The following ASIC2 variants were observed in gnomAD, a reference collection of about 807,000 sequenced individuals.
ASIC2 encodes acid sensing ion channel subunit 2.
In ASIC2, 25 loss-of-function variants were observed where a neutral mutation model predicts 57.3. That is an observed-to-expected ratio of 0.44 (90% CI 0.32 to 0.61). ASIC2 has a LOEUF of 0.61. Ranked by LOEUF, ASIC2 falls within the 20% of genes least tolerant of loss-of-function variation. The pLI is 0.06. For missense variants in ASIC2, 641 were observed against 738.1 expected, an observed-to-expected ratio of 0.87 and a Z score of 1.52; for synonymous variants, 319 against 307.5, an observed-to-expected ratio of 1.04 and a Z score of -0.39.
At chr17:33,411,556 T>A (rs1401312189) in intron 1 of ASIC2, among the ~76,000 whole-genome samples, 1 of 152,204 alleles carries the variant, frequency 6.6e-6, no homozygotes, top group Non-Finnish European at 1.5e-5. Context: ...GAAGGTATTA[T>A]GGATTCTTTT....
intron 1 of ASIC2, among the ~76,000 whole-genome samples, chr17:34,125,929 C>A (rs577593059): frequency 6.6e-6 from 1 of 152,292 alleles, no homozygotes; most frequent in Admixed American, 6.5e-5. Context: ...GGAGGCCATG[C>A]CCCCCATCCA....
At chr17:34,132,704 G>A (rs1912025078) in intron 1 of ASIC2, among the ~76,000 whole-genome samples, 1 of 152,198 alleles carries the variant, frequency 6.6e-6, no homozygotes. Flanking sequence ...GACCCACGAA[G>A]TCCAGCTGGC....
At chr17:34,053,858 T>C (rs1451777579) in intron 1 of ASIC2, among the ~76,000 whole-genome samples, 1 of 152,210 alleles carries the variant, frequency 6.6e-6, no homozygotes, top group African/African-American at 2.4e-5. Context: ...TTGGCAGATA[T>C]TGTTGGTGTG....
At chr17:33,512,065 T>C (rs1914445722) in intron 1 of ASIC2, among the ~76,000 whole-genome samples, 1 of 151,784 alleles carries the variant, frequency 6.6e-6, no homozygotes, top group African/African-American at 2.4e-5. Context: ...AAAGGAGGAG[T>C]TTGGGAAAAT....
intron 1 of ASIC2, among the ~76,000 whole-genome samples, chr17:33,160,099 G>C (rs1349848749): frequency 6.6e-6 from 1 of 151,920 alleles, no homozygotes; most frequent in Non-Finnish European, 1.5e-5. Context: ...ATCCCAGCCA[G>C]TTGGGAGGCT....
chr17:33,488,783 C>T (rs1913658092), intron 1 of ASIC2, among the ~76,000 whole-genome samples: 1 of 152,192 alleles, frequency 6.6e-6, no homozygotes, highest in Non-Finnish European at 1.5e-5. Context: ...TTTTAGGCAT[C>T]TCCCACCTCC....
intron 1 of ASIC2, among the ~76,000 whole-genome samples, chr17:33,440,368 A>G (rs1419775854): frequency 1.3e-5 from 2 of 152,146 alleles, no homozygotes; most frequent in African/African-American, 4.8e-5. Flanking sequence ...TTGTTTATTA[A>G]ACAGCTGACA....
At chr17:33,806,642 T>C (rs866063908) in intron 1 of ASIC2, among the ~76,000 whole-genome samples, 2 of 152,228 alleles carry the variant, frequency 1.3e-5, no homozygotes, top group Admixed American at 6.5e-5. Context: ...TTCTGAATAT[T>C]TATTGCTCTC....
chr17:33,734,984 A>T (rs1567701030), intron 1 of ASIC2, among the ~76,000 whole-genome samples: 1 of 152,186 alleles, frequency 6.6e-6, no homozygotes, highest in African/African-American at 2.4e-5. Flanking sequence ...TTTCTCAAAA[A>T]TTCCAAGCAT....
chr17:33,295,849 TA>T (rs1359346027), upstream of ASIC2, among the ~76,000 whole-genome samples: 1 of 152,200 alleles, frequency 6.6e-6, no homozygotes, highest in Non-Finnish European at 1.5e-5. Context: ...TGGCCTTTTT[TA>T]TACACTATTT....
chr17:33,983,123 T>C (rs575625636), intron 1 of ASIC2, among the ~76,000 whole-genome samples: 1 of 152,306 alleles, frequency 6.6e-6, no homozygotes, highest in African/African-American at 2.4e-5. Flanking sequence ...ACTTGCTGCA[T>C]ATAAACAAGT....
chr17:33,089,029 C>A (rs1467487281), intron 2 of ASIC2, 39 bp from the exon 3 acceptor site: 1 of 1,611,258 alleles, frequency 6.2e-7, no homozygotes, highest in East Asian at 2.2e-5. Flanking sequence ...GGGTCAGTAA[C>A]AACAGATGCT....
chr17:33,568,462 G>A (rs755100100), intron 1 of ASIC2, among the ~76,000 whole-genome samples: 1 of 152,002 alleles, frequency 6.6e-6, no homozygotes, highest in East Asian at 1.9e-4. Flanking sequence ...TGCAACTAAG[G>A]GTCTTAAATA....
intron 3 of ASIC2, among the ~76,000 whole-genome samples, chr17:33,086,974 C>T (rs1025568667): frequency 1.3e-5 from 2 of 152,128 alleles, no homozygotes; most frequent in African/African-American, 4.8e-5. Flanking sequence ...TTTGAAACAC[C>T]CAGGCCCTCT....
intron 1 of ASIC2, among the ~76,000 whole-genome samples, chr17:33,470,274 G>A (rs1913004795): frequency 6.6e-6 from 1 of 152,286 alleles, no homozygotes; most frequent in Admixed American, 6.5e-5. Flanking sequence ...AACTTAATCT[G>A]CACTTCTAAA....
At chr17:33,100,245 G>A (rs532416755) in intron 2 of ASIC2, 2 of 152,394 alleles carry the variant, frequency 1.3e-5, no homozygotes, top group South Asian at 2.1e-4. Context: ...ATAGGCCCCT[G>A]GTGATCTGGC....
chr17:33,223,559 G>T (rs910789524), intron 1 of ASIC2, among the ~76,000 whole-genome samples: 1 of 152,214 alleles, frequency 6.6e-6, no homozygotes, highest in African/African-American at 2.4e-5. Flanking sequence ...CCAAACATTT[G>T]AGGTTATCAA....
At chr17:33,265,722 C>A (rs184806800) in intron 1 of ASIC2, among the ~76,000 whole-genome samples, 1 of 152,210 alleles carries the variant, frequency 6.6e-6, no homozygotes. Context: ...TCCTAGAAAG[C>A]CTTCTTGGAT....
Position 33,317,237 on chromosome 17 carries a change from C to T in ASIC2, c.556-205170G>A, listed in dbSNP as rs954383331. ...CTGCTTCCCTTGCAGTGCTGTGATT[C>T]CCATGTTTGTCAGAGTACCAGGCAT... On this transcript the variant is annotated intron_variant, in intron 1 of 9. Transcript: ENST00000359872. Among the ~76,000 whole-genome samples, 4 of 152,160 alleles carry T rather than the reference C, an allele frequency of 2.6e-5. No homozygotes were observed. In the East Asian group the frequency reaches 7.7e-4, roughly 29 times the overall value.
Sources: gnomAD v4.1 joint callset for allele counts (sites outside exome capture counted in the v4.1 genomes callset) on GRCh38, gnomAD v4.1.1 for gene constraint, MANE v1.5 for transcripts, NCBI Gene and HGNC (gene_info 2026-07-23, HGNC 2026-07-21) for gene names.